The following ZNF292 variants were observed in gnomAD, a reference collection of about 807,000 sequenced individuals.
The protein encoded by ZNF292 is 16 zinc-finger domain protein.
Under a neutral mutation model 217.9 loss-of-function variants are expected in ZNF292, and 26 were observed. The observed-to-expected ratio is 0.12, with a 90% CI of 0.09 to 0.17. The LOEUF is 0.17. Among genes scored for constraint, ZNF292 ranks in the 10% least tolerant of loss-of-function variants. The pLI, the probability that ZNF292 is intolerant of heterozygous loss-of-function variation, is 1.00. For missense variants in ZNF292, 2,904 were observed against 3,175.2 expected (o/e 0.91, Z 2.05); for synonymous variants, 1,257 against 1,124.1 (o/e 1.12, Z -2.37).
chr6:87,217,064 A>T (rs1264687315), intron 3 of ZNF292, among the ~76,000 whole-genome samples: 1 of 152,064 alleles, frequency 6.6e-6, no homozygotes, highest in Non-Finnish European at 1.5e-5. Flanking sequence ...TTGGTTAGTT[A>T]AAAAGAATGC....
intron 1 of ZNF292, among the ~76,000 whole-genome samples, chr6:87,159,614 T>G (rs61047847): frequency 0.081 from 12,365 of 151,848 alleles, 859 homozygotes; most frequent in African/African-American, 0.19. Context: ...GCAATTCTCC[T>G]GCCTCAGCCT....
At chr6:87,229,320 T>C (rs1396201963) in intron 4 of ZNF292, among the ~76,000 whole-genome samples, 1 of 152,238 alleles carries the variant, frequency 6.6e-6, no homozygotes, top group African/African-American at 2.4e-5. Flanking sequence ...ATGGGATCTT[T>C]AGGGCTTTCT....
chr6:87,213,504 C>G (rs540651103), intron 1 of ZNF292, among the ~76,000 whole-genome samples: 1 of 152,220 alleles, frequency 6.6e-6, no homozygotes, highest in African/African-American at 2.4e-5. Context: ...CTAATTCCAA[C>G]TGGCTATTTT....
Position 87,249,427 on chromosome 6 carries a change from C to A in ZNF292, c.1020+3783C>A, listed in dbSNP as rs1276239358. ...ACAGGTATGAGCCACCACACATGAC[C>A]TTCGCAGCAGCCTTCTTGACAGGGA... is the stretch of plus-strand genomic sequence containing the variant. On this transcript the variant is annotated intron_variant, in intron 7 of 7. Coordinates refer to ENST00000369577, the MANE Select transcript of ZNF292 (RefSeq NM_015021.3). 5.9e-5 allele frequency: 18 copies of A among 305,228 alleles called. No individual in the cohort carries two copies. The Admixed American group carries it at 6.4e-4, about 11-fold the overall frequency. The allele number at this position is 305,228 out of a possible 1,614,324, so 18.9% of individuals were successfully genotyped here.
Position 87,257,641 on chromosome 6 carries a change from T to G in ZNF292, c.4012T>G (p.Ser1338Ala), listed in dbSNP as rs1389234018. ...NNFSSTNAQQ[S>A]APEKVKKDRG... ...CTTCAGTAGCACCAATGCCCAACAG[T>G]CTGCACCTGAAAAAGTTAAAAAAGA... The change falls in exon 8 of 8, where the codon TCT becomes GCT. Residue 1338 changes from serine (S) to alanine (A), a missense_variant. By Grantham distance (99) the Ser-to-Ala change is moderately conservative. This residue lies in a region of ZNF292 where 687 missense variants were observed against 623.0 expected (regional missense o/e 1.10). Coordinates refer to ENST00000369577, the MANE Select transcript of ZNF292 (RefSeq NM_015021.3). 1 of 1,608,902 alleles carries G rather than the reference T, an allele frequency of 6.2e-7. No homozygotes were observed. The highest frequency in any genetic ancestry group is 8.5e-7 in the Non-Finnish European group (1 of 1,177,426).
chr6:87,178,484 A>T lies in ZNF292; in HGVS notation c.168+22725A>T, dbSNP rs148220053. Among the ~76,000 whole-genome samples the T allele has an allele frequency of 2.1e-3, 327 of 152,356 alleles. 1 individual carries two copies. The highest frequency in any genetic ancestry group is 0.01 in the Middle Eastern group (3 of 294). Reference sequence around the variant, plus strand: ...GATTCAGTTTGATCAAACAGTTCTTATAAAGCAAATGTGAGTGTATAATAA... The same window carrying T: ...GATTCAGTTTGATCAAACAGTTCTTTTAAAGCAAATGTGAGTGTATAATAA... On this transcript the variant is annotated intron_variant, in intron 1 of 7. Transcript: ENST00000369577.
chr6:87,239,505 C>T (rs1774113759), intron 5 of ZNF292, among the ~76,000 whole-genome samples: 1 of 150,222 alleles, frequency 6.7e-6, no homozygotes, highest in African/African-American at 2.5e-5. Flanking sequence ...CACCTCCCTC[C>T]CTGATGGGGC....
At chr6:87,241,099 AC>A (rs1287709336) in intron 5 of ZNF292, among the ~76,000 whole-genome samples, 1 of 152,168 alleles carries the variant, frequency 6.6e-6, no homozygotes, top group East Asian at 1.9e-4. Context: ...CCTGGTTAAC[AC>A]AGTGAAACCC....
rs1462918264 is a variant in ZNF292 at position 87,260,489 on chromosome 6, C to T, written c.6860C>T (p.Ala2287Val). The T allele has an allele frequency of 6.2e-7, 1 of 1,613,360 alleles. No individual in the cohort carries two copies. Among genetic ancestry groups the T allele is most frequent in the Admixed American group, 1.7e-5 (1 of 59,888 alleles). ...IFNKHNDKHK[A>V]HLIRPRRLTP... Reference sequence around the variant, plus strand: ...AATAAGCATAATGACAAACATAAGGCTCATTTGATTCGTCCAAGAAGATTA... The same window carrying T: ...AATAAGCATAATGACAAACATAAGGTTCATTTGATTCGTCCAAGAAGATTA... Residue 2287 changes from alanine to valine, a missense_variant, in exon 8 of 8, where the codon GCT (alanine) becomes GTT (valine). Transcript: ENST00000369577.
intron 1 of ZNF292, among the ~76,000 whole-genome samples, chr6:87,159,776 G>A (rs959774080): frequency 2.6e-5 from 4 of 151,992 alleles, no homozygotes; most frequent in African/African-American, 9.7e-5. Flanking sequence ...ACCACGCCCG[G>A]CCCTGTCTCA....
intron 1 of ZNF292, among the ~76,000 whole-genome samples, chr6:87,210,609 G>A (rs529121841): frequency 1.3e-5 from 2 of 152,058 alleles, no homozygotes; most frequent in Admixed American, 6.6e-5. Flanking sequence ...GTGAAACGCC[G>A]TCTCTACTAA....
chr6:87,250,344 A>G (rs976989684), intron 7 of ZNF292, among the ~76,000 whole-genome samples: 4 of 152,076 alleles, frequency 2.6e-5, no homozygotes, highest in Admixed American at 2.6e-4. Context: ...TGGGAGGATC[A>G]CTTGAGCCTG....
chr6:87,265,262 A>G lies in ZNF292; in HGVS notation c.*3461A>G, dbSNP rs1330674230. Among the ~76,000 whole-genome samples the G allele has an allele frequency of 6.6e-6, 1 of 151,968 alleles. No individual in the cohort carries two copies. The highest frequency in any genetic ancestry group is 1.5e-5 in the Non-Finnish European group (1 of 67,974). ...CCCCAGTAGCTGGGACTACAGATGCATGCTATCACACCCAGCTAATTTTGT... is the reference window on the plus strand; with the variant it reads ...CCCCAGTAGCTGGGACTACAGATGCGTGCTATCACACCCAGCTAATTTTGT... On this transcript the variant is annotated 3_prime_UTR_variant, in exon 8 of 8. Transcript: ENST00000369577.
At position 87,259,920 on chromosome 6, in the gene ZNF292, A is replaced by G; in HGVS notation, c.6291A>G (p.Pro2097=). 6.2e-7 allele frequency: 1 copy of G among 1,613,686 alleles called. No homozygotes were observed. Among genetic ancestry groups the G allele is most frequent in the East Asian group, 2.2e-5 (1 of 44,866 alleles). ...AGGAGGAGAAAAAACGAAAGAAGCC[A>G]GTTTCCCAATCCCTTGAGTTTCCAA... ...KEKEEKKRKK[P]VSQSLEFPTR... Residue 2097 remains proline (P), a synonymous_variant, in exon 8 of 8, where the codon CCA becomes CCG. Transcript: ENST00000369577.
intron 5 of ZNF292, among the ~76,000 whole-genome samples, chr6:87,238,689 A>AT (rs201198900): frequency 0.071 from 9,385 of 132,418 alleles, 441 homozygotes; most frequent in African/African-American, 0.14. Flanking sequence ...TGATTTATAT[A>AT]TTTTTTTTTT....
Position 87,257,302 on chromosome 6 carries a change from G to A in ZNF292, c.3673G>A (p.Gly1225Ser), listed in dbSNP as rs2127863809. ...ITSQDKNEQG[G>S]MLCSQMENLP... ...TTCTCAGGATAAAAATGAACAAGGT[G>A]GTATGTTATGTTCCCAAATGGAAAA... is the stretch of plus-strand genomic sequence containing the variant. The change falls in exon 8 of 8, where the codon GGT (glycine) becomes AGT (serine). Residue 1225 changes from glycine (G) to serine (S), a missense_variant. Around this residue, in one of 15 missense-constraint regions of ZNF292, gnomAD observed 687 missense variants for 623.0 expected, o/e 1.10. Transcript: ENST00000369577. 6.2e-7 allele frequency: 1 copy of A among 1,613,554 alleles called. No homozygotes were observed. Among genetic ancestry groups the A allele is most frequent in the East Asian group, 2.2e-5 (1 of 44,864 alleles).
chr6:87,155,792 C>T, intron 1 of ZNF292, 33 bp downstream of exon 1: 1 of 1,554,646 alleles, frequency 6.4e-7, no homozygotes, highest in African/African-American at 1.4e-5. Context: ...TCCCCCTTTC[C>T]CCAGCTAGAG....
intron 1 of ZNF292, among the ~76,000 whole-genome samples, chr6:87,197,596 GC>G (rs113246145): frequency 0.082 from 12,361 of 151,516 alleles, 848 homozygotes; most frequent in African/African-American, 0.19. Context: ...AATTAGCTGA[GC>G]CTGGTGGCAG....
chr6:87,173,294 A>G (rs184241229), intron 1 of ZNF292: 14 of 152,276 alleles, frequency 9.2e-5, no homozygotes, highest in African/African-American at 2.9e-4. Flanking sequence ...CAAAACATTT[A>G]TTCATCCATT....
Sources: gnomAD v4.1 joint callset for allele counts (sites outside exome capture counted in the v4.1 genomes callset) on GRCh38, gnomAD v4.1.1 for gene constraint, gnomAD v4.1.1 regional missense constraint, MANE v1.5 for transcripts, NCBI Gene and HGNC (gene_info 2026-07-23, HGNC 2026-07-21) for gene names.